DOCK5: variants seen among roughly 807,000 people sequenced by gnomAD.
DOCK5 encodes dedicator of cytokinesis protein 5.
In DOCK5, 142 loss-of-function variants were observed where a neutral mutation model predicts 251.8. The ratio of observed to expected loss-of-function variants is 0.56; its 90% confidence interval spans 0.49 to 0.65. The LOEUF (loss-of-function observed/expected upper bound fraction) is 0.65. DOCK5 is among the 30% of genes least tolerant of loss of function. The pLI, the probability that DOCK5 is intolerant of heterozygous loss-of-function variation, is 0.00. For synonymous variants in DOCK5, 842 were observed against 835.5 expected, an observed-to-expected ratio of 1.01 and a Z score of -0.13; for missense variants, 2,111 against 2,312.3, an observed-to-expected ratio of 0.91 and a Z score of 1.79.
rs528927937 is a variant in DOCK5, at chr8:25,415,027, T to C, written c.*3729T>C. 4.1e-4 allele frequency: 62 copies of C among 151,918 alleles called. No homozygotes were observed. The highest frequency in any genetic ancestry group is 1.4e-3 in the African/African-American group (58 of 41,450). The allele number at this position is 151,918 out of a possible 1,614,324, so 9.4% of individuals were successfully genotyped here. ...GGGAGGATCTGAAGGAAACTAGTTT[T>C]CTGTACAAAGGCTTTGAGGTCCATG... On this transcript the variant is annotated 3_prime_UTR_variant, in exon 52 of 52. Transcript: ENST00000276440.
chr8:25,230,177 CTCTT>C (rs1802633120), intron 1 of DOCK5, among the ~76,000 whole-genome samples: 3 of 152,290 alleles, frequency 2.0e-5, no homozygotes, highest in Admixed American at 2.0e-4. Context: ...GGACTATGAG[CTCTT>C]TCTTCTCTGC....
chr8:25,370,764 C>G (rs1800859123), intron 34 of DOCK5, among the ~76,000 whole-genome samples: 1 of 152,052 alleles, frequency 6.6e-6, no homozygotes, highest in Admixed American at 6.6e-5. Context: ...CTTCAGCCTC[C>G]CTAGTAGCTA....
At chr8:25,284,596 C>G (rs1804284821) in intron 5 of DOCK5, among the ~76,000 whole-genome samples, 1 of 152,232 alleles carries the variant, frequency 6.6e-6, no homozygotes, top group Admixed American at 6.5e-5. Context: ...GCGAGCTGAT[C>G]TTTGGCCTCT....
chr8:25,355,490 G>T (rs763531947), intron 27 of DOCK5, among the ~76,000 whole-genome samples: 6 of 152,090 alleles, frequency 3.9e-5, no homozygotes, highest in South Asian at 2.1e-4. Flanking sequence ...CACTCTGTCA[G>T]CCAGGCTGGA....
At chr8:25,248,012 A>C (rs1392752275) in intron 2 of DOCK5, among the ~76,000 whole-genome samples, 1 of 152,196 alleles carries the variant, frequency 6.6e-6, no homozygotes, top group Non-Finnish European at 1.5e-5. Flanking sequence ...CCTGTTCTTT[A>C]AAAGTAAGCG....
intron 31 of DOCK5, 115 bp from the exon 32 acceptor site, chr8:25,368,077 T>TACC (rs1800810154): frequency 1.3e-6 from 1 of 764,936 alleles, no homozygotes; most frequent in Non-Finnish European, 2.2e-6. Context: ...CTCTTAAGGT[T>TACC]GGGCCTTAAG....
intron 26 of DOCK5, 187 bp from the exon 27 acceptor site, chr8:25,351,544 T>A: frequency 1.8e-6 from 1 of 560,232 alleles, no homozygotes; most frequent in Non-Finnish European, 3.2e-6. Context: ...TGACTGATCA[T>A]TTTCAACTAT....
chr8:25,300,625 GAGA>G lies in DOCK5; in HGVS notation c.817_819del (p.Lys273del). ...CAGTAACGGGATGCCCAAGGAAATA[GAGA>G]AGCTCAATAACCTCCAAGCAGTGTT... On this transcript the variant is annotated inframe_deletion, in exon 9 of 52. Transcript: ENST00000276440. 1 of 1,613,440 alleles carries G rather than the reference GAGA, an allele frequency of 6.2e-7. No homozygotes were observed. The highest frequency in any genetic ancestry group is 8.5e-7 in the Non-Finnish European group (1 of 1,179,676).
rs1173799722 is a variant in DOCK5 at position 25,411,231 on chromosome 8, C to T, written c.5546C>T (p.Ala1849Val). ...PPLPVRREAK[A>V]PPPPPPKARK... ...CTGCCTGTCCGAAGAGAAGCCAAAG[C>T]ACCACCCCCTCCACCTCCAAAGGCT... Residue 1849 changes from alanine to valine, a missense_variant, in exon 52 of 52, where the codon GCA becomes GTA. This residue lies in a region of DOCK5 where 1,717 missense variants were observed against 1,892.4 expected (regional missense o/e 0.91). Transcript: ENST00000276440. 5 of 1,592,252 alleles carry T rather than the reference C, an allele frequency of 3.1e-6. No homozygotes were observed. The African/African-American group carries it at 5.4e-5, about 17-fold the overall frequency.
intron 1 of DOCK5, among the ~76,000 whole-genome samples, chr8:25,239,262 G>T (rs1229319890): frequency 1.3e-5 from 2 of 151,986 alleles, no homozygotes; most frequent in Admixed American, 1.3e-4. Context: ...GAGGTATTTT[G>T]GGTCAGGCTT....
At chr8:25,222,570 C>G (rs1586240382) in intron 1 of DOCK5, among the ~76,000 whole-genome samples, 1 of 152,232 alleles carries the variant, frequency 6.6e-6, no homozygotes, top group Non-Finnish European at 1.5e-5. Context: ...TTCTTTTACC[C>G]TCTAATCTGA....
chr8:25,376,149 G>A (rs1800959932), intron 37 of DOCK5: 8 of 983,100 alleles, frequency 8.1e-6, no homozygotes, highest in Non-Finnish European at 7.2e-6. Context: ...CTTAGAAAGT[G>A]AGGCTTGTTG....
chr8:25,323,427 G>T (rs927027394), intron 16 of DOCK5, among the ~76,000 whole-genome samples: 1 of 152,206 alleles, frequency 6.6e-6, no homozygotes, highest in Admixed American at 6.5e-5. Context: ...AATGTGTTTG[G>T]TGGGAGAGCC....
intron 41 of DOCK5, among the ~76,000 whole-genome samples, chr8:25,390,001 C>T (rs1459031686): frequency 6.9e-6 from 1 of 143,984 alleles, no homozygotes; most frequent in Non-Finnish European, 1.5e-5. Flanking sequence ...AAAAAAAGGG[C>T]CCTAGGATTA....
chr8:25,189,832 T>C (rs2117437738), intron 1 of DOCK5, among the ~76,000 whole-genome samples: 1 of 152,352 alleles, frequency 6.6e-6, no homozygotes, highest in South Asian at 2.1e-4. Flanking sequence ...AGTAGAGCTT[T>C]GAATGCTGAT....
At chr8:25,191,880 T>G (rs1019872105) in intron 1 of DOCK5, among the ~76,000 whole-genome samples, 1 of 151,620 alleles carries the variant, frequency 6.6e-6, no homozygotes, top group African/African-American at 2.4e-5. Flanking sequence ...AACTCGTCAT[T>G]TACATTAGTT....
chr8:25,348,404 A>C (rs1800407408), intron 26 of DOCK5, among the ~76,000 whole-genome samples: 1 of 152,204 alleles, frequency 6.6e-6, no homozygotes, highest in African/African-American at 2.4e-5. Context: ...TGAGTTAGGA[A>C]TGCAGCTCAC....
At position 25,347,465 on chromosome 8, in the gene DOCK5, C is replaced by T. The variant is rs188333913; in HGVS notation, c.2754+1854C>T. Among the ~76,000 whole-genome samples, 279 of 152,214 alleles carry T rather than the reference C, an allele frequency of 1.8e-3. 2 individuals carry two copies. The highest frequency in any genetic ancestry group is 6.5e-3 in the African/African-American group (268 of 41,518). On this transcript the variant is annotated intron_variant, in intron 26 of 51. Coordinates refer to ENST00000276440, the MANE Select transcript of DOCK5 (RefSeq NM_024940.8). ...GAATACATTTTCTCAAAGCATGTTG[C>T]GATTGGAGATTTGGTTCCTAACCAA...
chr8:25,243,527 C>T (rs1803012887), intron 1 of DOCK5, 147 bp from the exon 2 acceptor site: 2 of 577,772 alleles, frequency 3.5e-6, no homozygotes, highest in South Asian at 3.9e-5. Context: ...GATGGGGTTT[C>T]ACCATCTTGG....
Sources: gnomAD v4.1 joint callset for allele counts (sites outside exome capture counted in the v4.1 genomes callset) on GRCh38, gnomAD v4.1.1 for gene constraint, gnomAD v4.1.1 regional missense constraint, MANE v1.5 for transcripts, NCBI Gene and HGNC (gene_info 2026-07-23, HGNC 2026-07-21) for gene names.